MDN1: variants seen among roughly 807,000 people sequenced by gnomAD.
The protein encoded by MDN1 is midasin.
In MDN1, 266 loss-of-function variants were observed where a neutral mutation model predicts 669.2. The observed-to-expected ratio is 0.40, with a 90% CI of 0.36 to 0.44. The LOEUF is 0.44. MDN1 is among the 20% of genes least tolerant of loss of function. The pLI, the probability that MDN1 is intolerant of heterozygous loss-of-function variation, is 1.00. For synonymous variants in MDN1, 2,385 were observed against 2,457.1 expected, an observed-to-expected ratio of 0.97 and a Z score of 0.87; for missense variants, 5,940 against 6,754.0, an observed-to-expected ratio of 0.88 and a Z score of 4.22.
intron 95 of MDN1, 34 bp downstream of exon 95, chr6:89,652,158 T>A (rs776582754): frequency 2.6e-6 from 4 of 1,565,722 alleles, no homozygotes. Flanking sequence ...AAAGTCGAGA[T>A]ATTTTATGAA....
chr6:89,670,139 C>CATATATATATATATATAT (rs1168606501), intron 83 of MDN1, among the ~76,000 whole-genome samples: 3 of 48,986 alleles, frequency 6.1e-5, no homozygotes, highest in Admixed American at 4.3e-4. Context: ...TCCAAAAAAA[C>CATATATATATATATATAT]ATATATATAT....
Position 89,752,197 on chromosome 6 carries a change from A to G in MDN1, c.3076-615T>C, listed in dbSNP as rs180857073. On this transcript the variant is annotated intron_variant, in intron 22 of 101. Coordinates refer to ENST00000369393, the MANE Select transcript of MDN1 (RefSeq NM_014611.3). ...TAGAGCATTTGGTCCCCAGATTTCA[A>G]GCTACACGTCTAGGCCCTGCTTTTA... is the stretch of plus-strand genomic sequence containing the variant. 6.9e-4 allele frequency among the ~76,000 whole-genome samples: 105 copies of G among 152,344 alleles called. 1 individual carries two copies. In the East Asian group the frequency reaches 0.013, roughly 19 times the overall value.
Position 89,699,033 on chromosome 6 carries a change from C to T in MDN1, c.9000G>A (p.Val3000=), listed in dbSNP as rs1401240210. Reference sequence around the variant, plus strand: ...ACAAAGATGTAATTTCTTCAGGAGACACCTAGAAATAAAGGAATAATTAGG... The same window carrying T: ...ACAAAGATGTAATTTCTTCAGGAGATACCTAGAAATAAAGGAATAATTAGG... ...DLWSLLHHQK[V]SPEEITSLWS... The change falls in exon 59 of 102, where the codon GTG becomes GTA. Residue 3000 remains valine (V), a splice_region_variant and synonymous_variant. Transcript: ENST00000369393. 2 of 1,609,068 alleles carry T rather than the reference C, an allele frequency of 1.2e-6. No individual in the cohort carries two copies. The highest frequency in any genetic ancestry group is 4.5e-5 in the East Asian group (2 of 44,834).
intron 5 of MDN1, among the ~76,000 whole-genome samples, chr6:89,791,798 T>C (rs1271788761): frequency 6.6e-6 from 1 of 151,750 alleles, no homozygotes; most frequent in African/African-American, 2.4e-5. Flanking sequence ...ATAGTGAGAC[T>C]CTGTCTCTAC....
At chr6:89,667,824 T>C (rs1447230146) in intron 84 of MDN1, among the ~76,000 whole-genome samples, 190 bp downstream of exon 84, 1 of 152,178 alleles carries the variant, frequency 6.6e-6, no homozygotes, top group African/African-American at 2.4e-5. Context: ...ATGATGGAGT[T>C]GCCAGGTTCC....
At chr6:89,730,375 C>A (rs1348963396) in intron 35 of MDN1, among the ~76,000 whole-genome samples, 1 of 152,126 alleles carries the variant, frequency 6.6e-6, no homozygotes, top group African/African-American at 2.4e-5. Context: ...AGTTAAGATA[C>A]ATTATAGGCT....
At chr6:89,786,566 C>A (rs921741618) in intron 8 of MDN1, among the ~76,000 whole-genome samples, 1 of 152,050 alleles carries the variant, frequency 6.6e-6, no homozygotes, top group Non-Finnish European at 1.5e-5. Flanking sequence ...ACGATCAAGC[C>A]ACTGCATTCC....
At chr6:89,751,794 T>C (rs1261263633) in intron 22 of MDN1, among the ~76,000 whole-genome samples, 1 of 152,068 alleles carries the variant, frequency 6.6e-6, no homozygotes, top group East Asian at 1.9e-4. Flanking sequence ...AGTAGGTGGG[T>C]TTGGAAAAAA....
chr6:89,744,761 C>A (rs928858522), intron 29 of MDN1, among the ~76,000 whole-genome samples: 1 of 151,310 alleles, frequency 6.6e-6, no homozygotes, highest in Non-Finnish European at 1.5e-5. Flanking sequence ...TGCATGCCTG[C>A]AGTCCCAGCT....
chr6:89,735,846 C>T (rs977482890), intron 33 of MDN1, among the ~76,000 whole-genome samples: 22 of 152,168 alleles, frequency 1.4e-4, no homozygotes, highest in African/African-American at 5.3e-4. Flanking sequence ...ATGGTGAAAC[C>T]CCGTCTCTAC....
At chr6:89,677,777 C>G in intron 75 of MDN1, 81 bp from the exon 76 acceptor site, 1 of 1,582,658 alleles carries the variant, frequency 6.3e-7, no homozygotes. Flanking sequence ...CTACTCAAAG[C>G]AAAGTCTTCT....
chr6:89,648,250 C>A lies in MDN1; in HGVS notation c.16280+6G>T. The A allele has an allele frequency of 6.2e-7, 1 of 1,613,870 alleles. No homozygotes were observed. The highest frequency in any genetic ancestry group is 1.3e-5 in the African/African-American group (1 of 75,002). ...TTTTCATAAAGGAATTACAAAGCAA[C>A]CTTACCTACACACTGCAATCTGACC... is the stretch of plus-strand genomic sequence containing the variant. On this transcript the variant is annotated splice_donor_region_variant and intron_variant, in intron 98 of 101. Coordinates refer to ENST00000369393, the MANE Select transcript of MDN1 (RefSeq NM_014611.3).
chr6:89,673,161 G>C (rs1306764960), intron 80 of MDN1, 75 bp downstream of exon 80: 3 of 1,289,596 alleles, frequency 2.3e-6, no homozygotes, highest in Non-Finnish European at 3.3e-6. Flanking sequence ...GTGTCTTTTG[G>C]ACAATGAGAC....
chr6:89,644,256 C>A (rs1808335208), intron 101 of MDN1, 63 bp from the exon 102 acceptor site: 1 of 1,348,422 alleles, frequency 7.4e-7, no homozygotes, highest in African/African-American at 1.5e-5. Context: ...TTAGCTAGCT[C>A]TTCTGTGATC....
intron 1 of MDN1, among the ~76,000 whole-genome samples, chr6:89,805,034 CAA>C (rs34538984): frequency 2.6e-4 from 15 of 58,502 alleles, no homozygotes; most frequent in South Asian, 1.6e-3. Flanking sequence ...GACTCCGTCT[CAA>C]AAAAAAAAAA....
chr6:89,797,717 TG>T, intron 2 of MDN1: 1 of 426,516 alleles, frequency 2.3e-6, no homozygotes, highest in Non-Finnish European at 4.8e-6. Context: ...ATTACAGAGG[TG>T]GGTTTGAATT....
At chr6:89,699,437 A>G (rs1269594098) in intron 58 of MDN1, among the ~76,000 whole-genome samples, 164 bp downstream of exon 58, 3 of 152,256 alleles carry the variant, frequency 2.0e-5, no homozygotes, top group African/African-American at 7.2e-5. Context: ...TAATTACTAT[A>G]AAAGAATATT....
chr6:89,692,130 T>A (rs1214032714), intron 63 of MDN1, among the ~76,000 whole-genome samples: 4 of 152,292 alleles, frequency 2.6e-5, no homozygotes, highest in African/African-American at 7.2e-5. Context: ...TAAGGGAACA[T>A]CTTAATGCAA....
chr6:89,671,516 CT>C (rs1296303949), intron 82 of MDN1, among the ~76,000 whole-genome samples: 2 of 152,008 alleles, frequency 1.3e-5, no homozygotes, highest in African/African-American at 4.8e-5. Context: ...CAGAACCCAT[CT>C]TTACAAAACT....
Sources: allele counts gnomAD v4.1 joint callset (sites outside exome capture counted in the v4.1 genomes callset), GRCh38; gene constraint gnomAD v4.1.1; transcripts MANE v1.5; gene names NCBI Gene and HGNC (gene_info 2026-07-23, HGNC 2026-07-21).